The following ZNF560 variants were observed in gnomAD, a reference collection of about 807,000 sequenced individuals.
ZNF560 encodes zinc finger protein 560.
A neutral mutation model predicts 81.8 loss-of-function variants in ZNF560; 54 were observed. The ratio of observed to expected loss-of-function variants is 0.66; its 90% confidence interval spans 0.53 to 0.83. The LOEUF (loss-of-function observed/expected upper bound fraction) is 0.83, where lower values mean the gene tolerates loss of function less well. ZNF560 is among the 40% of genes least tolerant of loss of function. ZNF560 has a pLI of 0.00. For synonymous variants in ZNF560, 321 were observed against 317.9 expected, an observed-to-expected ratio of 1.01 and a Z score of -0.10; for missense variants, 940 against 932.4, an observed-to-expected ratio of 1.01 and a Z score of -0.11.
chr19:9,495,399 T>C (rs2073541849), intron 2 of ZNF560, among the ~76,000 whole-genome samples: 1 of 152,098 alleles, frequency 6.6e-6, no homozygotes, highest in Non-Finnish European at 1.5e-5. Flanking sequence ...ACATAAAATA[T>C]AAACCAAAAC....
chr19:9,492,166 G>C (rs1187487009), intron 2 of ZNF560, among the ~76,000 whole-genome samples: 3 of 151,848 alleles, frequency 2.0e-5, no homozygotes, highest in Non-Finnish European at 2.9e-5. Context: ...GTTTTCGTAG[G>C]GGGGTTGATT....
chr19:9,495,495 C>T (rs937363455), intron 2 of ZNF560, among the ~76,000 whole-genome samples: 5 of 152,292 alleles, frequency 3.3e-5, no homozygotes, highest in Admixed American at 6.5e-5. Flanking sequence ...CACTTGATGC[C>T]AGGTGTTCAA....
intron 2 of ZNF560, among the ~76,000 whole-genome samples, chr19:9,491,712 G>A (rs2073476076): frequency 6.6e-6 from 1 of 150,878 alleles, no homozygotes; most frequent in African/African-American, 2.4e-5. Flanking sequence ...TGTAGTCCCA[G>A]CTACTCAGGA....
rs780300268 is a variant in ZNF560 at position 9,467,370 on chromosome 19, G to A, written c.1577C>T (p.Thr526Ile). Residue 526 changes from threonine (T) to isoleucine (I), a missense_variant, in exon 10 of 10, where the codon ACC becomes ATC. By Grantham distance (89) the Thr-to-Ile change is moderately conservative. Coordinates refer to ENST00000301480, the MANE Select transcript of ZNF560 (RefSeq NM_152476.3). ...GTGAATACGAAGACAGGCAGAAGAG[G>A]TAAATGGTTTCCCACATTTGTAACA... is the stretch of plus-strand genomic sequence containing the variant. ...FKCYKCGKPF[T>I]SSACLRIHMR... is the part of the protein sequence containing the mutation. 1.2e-5 allele frequency: 20 copies of A among 1,614,014 alleles called. No individual in the cohort carries two copies. Among genetic ancestry groups the A allele is most frequent in the Non-Finnish European group, 3.4e-6 (4 of 1,180,014 alleles).
chr19:9,471,019 T>G (rs2073112853), intron 6 of ZNF560, among the ~76,000 whole-genome samples: 1 of 152,182 alleles, frequency 6.6e-6, no homozygotes, highest in South Asian at 2.1e-4. Flanking sequence ...AAAATTCAAC[T>G]AGGGTCTATA....
intron 2 of ZNF560, among the ~76,000 whole-genome samples, 197 bp from the exon 3 acceptor site, chr19:9,475,566 G>A (rs868622350): frequency 4.6e-5 from 7 of 151,412 alleles, no homozygotes; most frequent in African/African-American, 9.7e-5. Context: ...CCAAGCTGTC[G>A]TAAGTAAAAG....
intron 2 of ZNF560, among the ~76,000 whole-genome samples, chr19:9,484,845 AAAAAAAAG>A (rs930921410): frequency 8.7e-4 from 127 of 145,550 alleles, no homozygotes; most frequent in African/African-American, 3.3e-3. Context: ...AAAAAAAAGA[AAAAAAAAG>A]AAAAGAAAAA....
At chr19:9,451,542 T>C in the ZNF560 span, among the ~76,000 whole-genome samples, 3 of 152,198 alleles carry the variant, frequency 2.0e-5, no homozygotes, top group South Asian at 2.1e-4. Flanking sequence ...AATACCATTC[T>C]GGGTATCAGC....
chr19:9,498,696 T>A (rs2073602507), upstream of ZNF560: 1 of 152,238 alleles, frequency 6.6e-6, no homozygotes, highest in Non-Finnish European at 1.5e-5. Context: ...AGGATGGAAC[T>A]CTTCAGGATT....
At position 9,473,246 on chromosome 19, in the gene ZNF560, A is replaced by G; in HGVS notation, c.171T>C (p.Phe57=). The change falls in exon 5 of 10, where the codon TTT becomes TTC. Residue 57 remains phenylalanine (F), a synonymous_variant. Coordinates refer to ENST00000301480, the MANE Select transcript of ZNF560 (RefSeq NM_152476.3). ...CCAACCAAGAGATGACACTGGGTTT[A>G]AAGAGCTGAAATCCTTTACATGAAG... The part of the protein sequence containing the change: ...ENVAKVGFQL[F]KPSVISWLEE... The G allele has an allele frequency of 6.2e-7, 1 of 1,610,598 alleles. No homozygotes were observed. Among genetic ancestry groups the G allele is most frequent in the Non-Finnish European group, 8.5e-7 (1 of 1,178,488 alleles).
At chr19:9,496,325 G>A (rs750655317) in intron 2 of ZNF560, among the ~76,000 whole-genome samples, 24 of 151,578 alleles carry the variant, frequency 1.6e-4, no homozygotes, top group Middle Eastern at 3.4e-3. Flanking sequence ...CACCCTGGGC[G>A]ACAAAATGAA....
intron 5 of ZNF560, 42 bp downstream of exon 5, chr19:9,473,137 T>A (rs770370433): frequency 2.0e-6 from 3 of 1,503,240 alleles, no homozygotes; most frequent in South Asian, 2.2e-5. Flanking sequence ...CTAAACATAC[T>A]GAACTTCTCA....
At position 9,467,431 on chromosome 19, in the gene ZNF560, GA is replaced by G; in HGVS notation, c.1515del (p.His506IlefsTer2). On this transcript the variant is annotated frameshift_variant, in exon 10 of 10. Coordinates refer to ENST00000301480, the MANE Select transcript of ZNF560 (RefSeq NM_152476.3). LOFTEE classifies it high-confidence loss of function. ...KVFVSFSSLF[A>X]HLRTHTGEKP... is the part of the protein sequence containing the mutation. ...TTCTCACCAGTGTGAGTTCTCAAATGAGCAAAAAGAGATGAGAAAGAAACAA... is the reference window on the plus strand; with the variant it reads ...TTCTCACCAGTGTGAGTTCTCAAATGGCAAAAAGAGATGAGAAAGAAACAA... The G allele has an allele frequency of 1.2e-6, 2 of 1,613,870 alleles. No homozygotes were observed. Among genetic ancestry groups the G allele is most frequent in the Non-Finnish European group, 1.7e-6 (2 of 1,179,940 alleles).
upstream of ZNF560, among the ~76,000 whole-genome samples, chr19:9,499,443 C>A (rs1360308516): frequency 6.6e-6 from 1 of 152,256 alleles, no homozygotes; most frequent in African/African-American, 2.4e-5. Context: ...GATCTGCCCG[C>A]CCTGCACTCC....
the ZNF560 span, among the ~76,000 whole-genome samples, chr19:9,454,412 G>T: frequency 6.6e-6 from 1 of 152,188 alleles, no homozygotes; most frequent in Non-Finnish European, 1.5e-5. Flanking sequence ...CAAACATGGG[G>T]CTCGAACCCG....
chr19:9,457,011 G>C, the ZNF560 span, among the ~76,000 whole-genome samples: 4 of 152,206 alleles, frequency 2.6e-5, no homozygotes, highest in Non-Finnish European at 5.9e-5. Context: ...TGGTAAGCCT[G>C]CAGAGCCTAT....
chr19:9,476,296 T>C (rs1409663147), intron 2 of ZNF560, among the ~76,000 whole-genome samples: 1 of 151,744 alleles, frequency 6.6e-6, no homozygotes, highest in Admixed American at 6.6e-5. Context: ...TTTTTTTTTG[T>C]TTGTTTTTGT....
the ZNF560 span, among the ~76,000 whole-genome samples, chr19:9,504,379 A>C: frequency 6.6e-6 from 1 of 152,090 alleles, no homozygotes; most frequent in Non-Finnish European, 1.5e-5. Context: ...AGGTTGCAGT[A>C]AGCCGAAATT....
At chr19:9,471,491 AAAAG>A in intron 5 of ZNF560, 113 bp from the exon 6 acceptor site, 1 of 752,074 alleles carries the variant, frequency 1.3e-6, no homozygotes, top group Non-Finnish European at 2.0e-6. Flanking sequence ...AACATAAGAA[AAAAG>A]AAAGCTAAAT....
Sources: gnomAD v4.1 joint callset for allele counts (sites outside exome capture counted in the v4.1 genomes callset) on GRCh38, gnomAD v4.1.1 for gene constraint, MANE v1.5 for transcripts, NCBI Gene and HGNC (gene_info 2026-07-23, HGNC 2026-07-21) for gene names.